A1CF: variants seen among roughly 807,000 people sequenced by gnomAD.
The protein encoded by A1CF is APOBEC1 complementation factor, also known as APOBEC-1 stimulating protein.
A1CF carries 48 observed loss-of-function variants against 68.9 expected under a neutral mutation model. The observed-to-expected ratio is 0.70, with a 90% CI of 0.55 to 0.89. The LOEUF (loss-of-function observed/expected upper bound fraction) is 0.89, where lower values mean the gene tolerates loss of function less well. Among genes scored for constraint, A1CF ranks in the 40% least tolerant of loss-of-function variants. The probability of loss-of-function intolerance (pLI) is 0.00; values close to 1 mark genes in which losing one functional copy is unlikely to be tolerated. For synonymous variants in A1CF, 272 were observed against 260.4 expected (o/e 1.04, Z -0.43); for missense variants, 653 against 718.9 (o/e 0.91, Z 1.05).
intron 2 of A1CF, among the ~76,000 whole-genome samples, 182 bp from the exon 3 acceptor site, chr10:50,860,167 C>A (rs1472209503): frequency 6.6e-6 from 1 of 151,728 alleles, no homozygotes; most frequent in African/African-American, 2.4e-5. Flanking sequence ...TTTAAAAATG[C>A]ACAATATTGG....
At chr10:50,823,939 A>G (rs1419623536) in intron 7 of A1CF, 1 of 152,110 alleles carries the variant, frequency 6.6e-6, no homozygotes, top group Non-Finnish European at 1.5e-5. Flanking sequence ...TGTTTCCAGA[A>G]ATTTTTCTAG....
At chr10:50,827,056 A>G in intron 7 of A1CF, among the ~76,000 whole-genome samples, 1 of 152,254 alleles carries the variant, frequency 6.6e-6, no homozygotes, top group East Asian at 1.9e-4. Context: ...ATAATGGTAA[A>G]GGAATCAATT....
chr10:50,834,685 T>G (rs1156546212), intron 6 of A1CF, among the ~76,000 whole-genome samples: 2 of 152,184 alleles, frequency 1.3e-5, no homozygotes, highest in Non-Finnish European at 2.9e-5. Flanking sequence ...GAATTCCTAC[T>G]ATTTGCAAGA....
chr10:50,874,528 T>C (rs1000626360), intron 1 of A1CF, among the ~76,000 whole-genome samples: 19 of 152,198 alleles, frequency 1.2e-4, no homozygotes, highest in African/African-American at 4.8e-5. Flanking sequence ...CCTATGCACC[T>C]GTGCACATCT....
At position 50,799,711 on chromosome 10, in the gene A1CF, T is replaced by A. The variant is rs544625843; in HGVS notation, c.*7018A>T. On this transcript the variant is annotated 3_prime_UTR_variant, in exon 13 of 13. Transcript: ENST00000373997. Reference sequence around the variant, plus strand: ...TCTCTTTTTTGGTACCTCAGCTAACTAACTTCACATAAATAAAAATAATAA... The same window carrying A: ...TCTCTTTTTTGGTACCTCAGCTAACAAACTTCACATAAATAAAAATAATAA... 7 of 152,230 alleles carry A rather than the reference T, an allele frequency of 4.6e-5. No individual in the cohort carries two copies. Among genetic ancestry groups the A allele is most frequent in the African/African-American group, 1.7e-4 (7 of 41,580 alleles). 9.4% of individuals were successfully genotyped at this position (152,230 alleles called of 1,614,324 possible).
chr10:50,854,797 AT>A (rs1450443699), intron 3 of A1CF, among the ~76,000 whole-genome samples: 3 of 151,980 alleles, frequency 2.0e-5, no homozygotes, highest in Middle Eastern at 3.2e-3. Context: ...AAAACAAAAA[AT>A]ATTGATGTTT....
intron 8 of A1CF, among the ~76,000 whole-genome samples, chr10:50,818,647 C>T (rs1033897064): frequency 1.3e-5 from 2 of 152,106 alleles, no homozygotes; most frequent in African/African-American, 4.8e-5. Context: ...TTTTATGATA[C>T]TAAATGTGAT....
At chr10:50,850,221 G>A (rs1384776204) in intron 3 of A1CF, among the ~76,000 whole-genome samples, 1 of 152,146 alleles carries the variant, frequency 6.6e-6, no homozygotes, top group African/African-American at 2.4e-5. Context: ...TTTCACTTTG[G>A]AAGATTGACC....
intron 8 of A1CF, among the ~76,000 whole-genome samples, chr10:50,819,220 G>T (rs1475647420): frequency 6.6e-6 from 1 of 151,972 alleles, no homozygotes; most frequent in Non-Finnish European, 1.5e-5. Flanking sequence ...CAGCCTCCTG[G>T]GATCAAGAGA....
chr10:50,856,991 T>C (rs907642009), intron 3 of A1CF, among the ~76,000 whole-genome samples: 2 of 152,144 alleles, frequency 1.3e-5, no homozygotes, highest in African/African-American at 4.8e-5. Context: ...GAGCAAAATT[T>C]TTAAATGGAG....
intron 9 of A1CF, among the ~76,000 whole-genome samples, chr10:50,815,386 G>GT (rs1338601747): frequency 2.0e-5 from 3 of 151,846 alleles, no homozygotes; most frequent in South Asian, 2.1e-4. Flanking sequence ...CTGATTGAGG[G>GT]TTTTTTTTCT....
At chr10:50,833,939 G>A (rs1839366870) in intron 6 of A1CF, among the ~76,000 whole-genome samples, 1 of 152,136 alleles carries the variant, frequency 6.6e-6, no homozygotes, top group Non-Finnish European at 1.5e-5. Flanking sequence ...AATATGAGTT[G>A]TGGACGGGGA....
intron 1 of A1CF, among the ~76,000 whole-genome samples, chr10:50,882,847 T>C (rs542950046): frequency 6.6e-6 from 1 of 152,230 alleles, no homozygotes; most frequent in Non-Finnish European, 1.5e-5. Flanking sequence ...TTCTAAGGGA[T>C]GACAATTTTT....
At chr10:50,885,467 A>G (rs1841962996) in intron 1 of A1CF, 114 bp downstream of exon 1, 1 of 152,180 alleles carries the variant, frequency 6.6e-6, no homozygotes, top group African/African-American at 2.4e-5. Flanking sequence ...AATTCTTTGA[A>G]TTAGGCTCGA....
intron 3 of A1CF, among the ~76,000 whole-genome samples, chr10:50,852,790 A>G: frequency 6.6e-6 from 1 of 152,282 alleles, no homozygotes; most frequent in African/African-American, 2.4e-5. Context: ...AGTCTAGATG[A>G]AGCCAATTAG....
At chr10:50,811,855 T>C (rs902664390) in intron 10 of A1CF, among the ~76,000 whole-genome samples, 5 of 152,234 alleles carry the variant, frequency 3.3e-5, no homozygotes. Flanking sequence ...TAAAGATTCA[T>C]AGTTTCTTTA....
intron 1 of A1CF, among the ~76,000 whole-genome samples, chr10:50,876,197 C>T (rs141681887): frequency 6.9e-4 from 105 of 152,316 alleles, no homozygotes; most frequent in Admixed American, 1.1e-3. Flanking sequence ...TGAACTAGCA[C>T]ATATGTGCAG....
chr10:50,838,285 G>T (rs1415227582), intron 5 of A1CF, among the ~76,000 whole-genome samples: 1 of 152,140 alleles, frequency 6.6e-6, no homozygotes, highest in Non-Finnish European at 1.5e-5. Context: ...TGTCAGATCT[G>T]TGACAGGTCC....
intron 10 of A1CF, among the ~76,000 whole-genome samples, chr10:50,812,004 G>A (rs1488372020): frequency 6.6e-6 from 1 of 152,146 alleles, no homozygotes; most frequent in Non-Finnish European, 1.5e-5. Flanking sequence ...TGTCTCTGAG[G>A]TTTCTTACCT....
Sources: allele counts gnomAD v4.1 joint callset (sites outside exome capture counted in the v4.1 genomes callset), GRCh38; gene constraint gnomAD v4.1.1; transcripts MANE v1.5; gene names NCBI Gene and HGNC (gene_info 2026-07-23, HGNC 2026-07-21).